The following CAPN14 variants were observed in gnomAD, a reference collection of about 807,000 sequenced individuals.
The protein encoded by CAPN14 is calpain-14.
In CAPN14, 94 loss-of-function variants were observed where a neutral mutation model predicts 101.3. That is an observed-to-expected ratio of 0.93 (90% CI 0.79 to 1.10). CAPN14 has a LOEUF of 1.10. Ranked by LOEUF, CAPN14 falls within the 50% of genes least tolerant of loss-of-function variation. The pLI is 0.00. For synonymous variants in CAPN14, 338 were observed against 317.9 expected, an observed-to-expected ratio of 1.06 and a Z score of -0.67; for missense variants, 837 against 828.4, an observed-to-expected ratio of 1.01 and a Z score of -0.13.
intron 1 of CAPN14, among the ~76,000 whole-genome samples, chr2:31,229,279 G>A (rs1264562358): frequency 6.6e-6 from 1 of 152,016 alleles, no homozygotes; most frequent in African/African-American, 2.4e-5. Context: ...TGAATGATAG[G>A]TTCATCAAGG....
intron 1 of CAPN14, among the ~76,000 whole-genome samples, chr2:31,214,837 C>G (rs1682568478): frequency 6.6e-6 from 1 of 152,230 alleles, no homozygotes; most frequent in Non-Finnish European, 1.5e-5. Context: ...CCTGGCGTCG[C>G]TCATTGCAGC....
chr2:31,199,570 AT>A lies in CAPN14; in HGVS notation c.727-39del, dbSNP rs1460021609. On this transcript the variant is annotated intron_variant, in intron 6 of 21. Coordinates refer to ENST00000403897, the MANE Select transcript of CAPN14 (RefSeq NM_001145122.2). ...GAGAGGTCCTGATCAGTCTTCTGTT[AT>A]GTACAGCTTATTCTTTGAGTCGTGG... 1.1e-5 allele frequency: 16 copies of A among 1,512,670 alleles called. No homozygotes were observed. The East Asian group carries it at 2.2e-4, about 21-fold the overall frequency. 93.7% of individuals were successfully genotyped at this position (1,512,670 alleles called of 1,614,324 possible).
rs72797141 is a variant in CAPN14 at position 31,193,100 on chromosome 2, C to T, written c.1114+31G>A. 0.02 allele frequency: 30,527 copies of T among 1,535,268 alleles called. 392 individuals carry two copies. Among genetic ancestry groups the T allele is most frequent in the Admixed American group, 0.04 (2,032 of 50,614 alleles). On this transcript the variant is annotated intron_variant, in intron 10 of 21. Coordinates refer to ENST00000403897, the MANE Select transcript of CAPN14 (RefSeq NM_001145122.2). ...TGACACCCCCGCCCACAACCTCACC[C>T]TGAGAGCCCTGCTCCTGTGCACATG...
chr2:31,202,132 A>G lies in CAPN14; in HGVS notation c.414+2T>C. The G allele has an allele frequency of 6.4e-7, 1 of 1,551,542 alleles. No homozygotes were observed. Among genetic ancestry groups the G allele is most frequent in the Non-Finnish European group, 8.7e-7 (1 of 1,146,704 alleles). On this transcript the variant is annotated splice_donor_variant, in intron 4 of 21. Coordinates refer to ENST00000403897, the MANE Select transcript of CAPN14 (RefSeq NM_001145122.2). LOFTEE classifies it high-confidence loss of function. ...GGGCTGAGGACCCGGGAAGACACTC[A>G]CCCAGAACCGGAAGATGCCAGCATA...
intron 1 of CAPN14, among the ~76,000 whole-genome samples, chr2:31,229,964 CA>C (rs2148710927): frequency 6.6e-6 from 1 of 152,306 alleles, no homozygotes; most frequent in South Asian, 2.1e-4. Flanking sequence ...TTTATTCACT[CA>C]ACACCATATT....
chr2:31,196,820 C>T (rs1401859264), intron 8 of CAPN14, among the ~76,000 whole-genome samples: 1 of 152,134 alleles, frequency 6.6e-6, no homozygotes, highest in Non-Finnish European at 1.5e-5. Flanking sequence ...CTCAGCAAAC[C>T]CAGGTGTGCT....
At chr2:31,186,376 T>A (rs1381233533) in intron 16 of CAPN14, 52 bp downstream of exon 16, 5 of 1,322,330 alleles carry the variant, frequency 3.8e-6, no homozygotes, top group Admixed American at 2.5e-5. Flanking sequence ...AGCCAGAGTT[T>A]AGAAAAGTTG....
Position 31,193,117 on chromosome 2 carries a change from GTGCACA to G in CAPN14, c.1114+8_1114+13del. On this transcript the variant is annotated splice_region_variant and intron_variant, in intron 10 of 21. Coordinates refer to ENST00000403897, the MANE Select transcript of CAPN14 (RefSeq NM_001145122.2). ...ACCTCACCCTGAGAGCCCTGCTCCT[GTGCACA>G]TGCTCACCCTGCAGCAACTGCCTCT... is the stretch of plus-strand genomic sequence containing the variant. 6.5e-7 allele frequency: 1 copy of G among 1,547,240 alleles called. No homozygotes were observed. Among genetic ancestry groups the G allele is most frequent in the Non-Finnish European group, 8.7e-7 (1 of 1,146,546 alleles).
At chr2:31,197,417 G>A (rs1211112154) in intron 7 of CAPN14, 83 bp from the exon 8 acceptor site, 2 of 938,310 alleles carry the variant, frequency 2.1e-6, no homozygotes, top group East Asian at 5.4e-5. Flanking sequence ...GCCTGGAGCT[G>A]AGCACTTGCA....
At chr2:31,184,976 C>T (rs59348756) in intron 16 of CAPN14, among the ~76,000 whole-genome samples, 50,637 of 152,116 alleles carry the variant, frequency 0.33, 10,017 homozygotes, top group African/African-American at 0.55. Context: ...GTGCTACCAT[C>T]TTAAAATGGT....
chr2:31,222,156 A>AT (rs1300589169), upstream of CAPN14, among the ~76,000 whole-genome samples: 1 of 152,144 alleles, frequency 6.6e-6, no homozygotes, highest in African/African-American at 2.4e-5. Context: ...GTTGAAATGA[A>AT]TTTTCCTCCT....
chr2:31,192,232 G>C, intron 10 of CAPN14, 134 bp from the exon 11 acceptor site: 1 of 1,051,570 alleles, frequency 9.5e-7, no homozygotes, highest in African/African-American at 1.6e-5. Context: ...GGACAGAGTC[G>C]GGGTCCCTTC....
Position 31,197,307 on chromosome 2 carries a change from G to A in CAPN14, c.817C>T (p.Leu273Phe), listed in dbSNP as rs1681516633. ...KVTCKHRPEY[L>F]VKLRNPWGKV... ...CCCCAGGGGTTCCGTAGCTTGACGA[G>A]ATATTCAGGTCTATGTTTGCAGGTC... Residue 273 changes from leucine to phenylalanine, a missense_variant, in exon 8 of 22, where the codon CTC becomes TTC. Transcript: ENST00000403897. The A allele has an allele frequency of 6.4e-7, 1 of 1,550,934 alleles. No homozygotes were observed. Among genetic ancestry groups the A allele is most frequent in the African/African-American group, 1.4e-5 (1 of 73,012 alleles).
chr2:31,203,257 T>C (rs1231970228), intron 2 of CAPN14, 118 bp from the exon 3 acceptor site: 16 of 740,800 alleles, frequency 2.2e-5, no homozygotes, highest in Non-Finnish European at 3.3e-5. Flanking sequence ...ATACAGAATA[T>C]AGGTGTAATC....
At chr2:31,221,341 G>A (rs1046011506), upstream of CAPN14, among the ~76,000 whole-genome samples, 8 of 152,218 alleles carry the variant, frequency 5.3e-5, no homozygotes, top group African/African-American at 1.7e-4. Context: ...ATGCCAATCA[G>A]GGAGGCAAGG....
intron 7 of CAPN14, among the ~76,000 whole-genome samples, chr2:31,198,185 G>A (rs1681565314): frequency 6.6e-6 from 1 of 152,138 alleles, no homozygotes; most frequent in Non-Finnish European, 1.5e-5. Context: ...GCCTCCTTTG[G>A]AAAGACTAAC....
Position 31,191,380 on chromosome 2 carries a change from G to T in CAPN14, c.1287+19C>A. 1 of 1,541,560 alleles carries T rather than the reference G, an allele frequency of 6.5e-7. No individual in the cohort carries two copies. The highest frequency in any genetic ancestry group is 8.7e-7 in the Non-Finnish European group (1 of 1,144,752). ...ATGTCACCCCAAACTAGGGCCACCCGGTCAAGTGCAGAACTCACCTTGTTC... is the reference window on the plus strand; with the variant it reads ...ATGTCACCCCAAACTAGGGCCACCCTGTCAAGTGCAGAACTCACCTTGTTC... On this transcript the variant is annotated intron_variant, in intron 12 of 21. Coordinates refer to ENST00000403897, the MANE Select transcript of CAPN14 (RefSeq NM_001145122.2).
Position 31,230,985 on chromosome 2 carries a change from G to A in CAPN14, c.-177+2806C>T, listed in dbSNP as rs79765566. ...TGGCTATTTACTGTGTTGTTATTCT[G>A]TTGGTCTCTGTGCCAAAACCATATT... On this transcript the variant is annotated intron_variant and NMD_transcript_variant, in intron 1 of 21. Transcript: ENST00000398824. This position sits in a 1 kb window ranked among gnomAD's most constrained non-coding sequence, Gnocchi z 4.3. 0.018 allele frequency among the ~76,000 whole-genome samples: 2,788 copies of A among 152,148 alleles called. 96 individuals carry two copies. The highest frequency in any genetic ancestry group is 0.063 in the African/African-American group (2,632 of 41,486).
chr2:31,203,075 A>C lies in CAPN14; in HGVS notation c.290T>G (p.Ile97Arg). ...TCGGGGCTGTGCAAACTTACCTACTATCCCCTGGCACAGATCCAGCCTTTT... is the reference window on the plus strand; with the variant it reads ...TCGGGGCTGTGCAAACTTACCTACTCTCCCCTGGCACAGATCCAGCCTTTT... ...KAKRLDLCQG[I>R]VGDCWFLAAL... The change falls in exon 3 of 22, where the codon ATA (isoleucine) becomes AGA (arginine). Residue 97 changes from isoleucine to arginine, a missense_variant. Physicochemically the swap from Ile to Arg is moderately conservative, Grantham distance 97. Coordinates refer to ENST00000403897, the MANE Select transcript of CAPN14 (RefSeq NM_001145122.2). 1 of 1,551,368 alleles carries C rather than the reference A, an allele frequency of 6.4e-7. No individual in the cohort carries two copies. Among genetic ancestry groups the C allele is most frequent in the African/African-American group, 1.4e-5 (1 of 73,104 alleles).
Sources: allele counts gnomAD v4.1 joint callset (sites outside exome capture counted in the v4.1 genomes callset), GRCh38; gene constraint gnomAD v4.1.1; non-coding constraint Gnocchi (gnomAD v3.1); transcripts MANE v1.5; gene names NCBI Gene and HGNC (gene_info 2026-07-23, HGNC 2026-07-21).